RALGPS1: variants seen among roughly 807,000 people sequenced by gnomAD.
RALGPS1 encodes ras-specific guanine nucleotide-releasing factor RalGPS1.
In RALGPS1, 19 loss-of-function variants were observed where a neutral mutation model predicts 78.8. The observed-to-expected ratio is 0.24, with a 90% CI of 0.17 to 0.35. The LOEUF is 0.35. Among genes scored for constraint, RALGPS1 ranks in the 10% least tolerant of loss-of-function variants. The pLI is 1.00. For synonymous variants in RALGPS1, 228 were observed against 256.3 expected (o/e 0.89, Z 1.06); for missense variants, 454 against 688.3 (o/e 0.66, Z 3.81).
chr9:126,947,230 T>C (rs1360494489), intron 1 of RALGPS1, among the ~76,000 whole-genome samples: 1 of 152,190 alleles, frequency 6.6e-6, no homozygotes, highest in Non-Finnish European at 1.5e-5. Flanking sequence ...CCACGCTACC[T>C]GCCAGGCTCT....
chr9:127,057,849 A>G (rs1473334212), intron 7 of RALGPS1, among the ~76,000 whole-genome samples: 2 of 152,240 alleles, frequency 1.3e-5, no homozygotes, highest in African/African-American at 4.8e-5. Flanking sequence ...TGGCTGGCAC[A>G]AGAAGTGATC....
chr9:127,040,726 G>A (rs115002751), intron 5 of RALGPS1, among the ~76,000 whole-genome samples: 3,442 of 152,228 alleles, frequency 0.023, 128 homozygotes, highest in African/African-American at 0.078. Context: ...GTTGCCCAAG[G>A]AAGAAGGCAG....
intron 8 of RALGPS1, among the ~76,000 whole-genome samples, chr9:127,118,837 CCTG>C (rs1209909081): frequency 6.6e-6 from 1 of 152,208 alleles, no homozygotes; most frequent in Non-Finnish European, 1.5e-5. Context: ...GCTGAATGTA[CCTG>C]CTTTGGCAGG....
intron 4 of RALGPS1, among the ~76,000 whole-genome samples, chr9:127,001,242 G>A (rs2043281070): frequency 1.3e-5 from 2 of 150,726 alleles, no homozygotes; most frequent in South Asian, 4.2e-4. Flanking sequence ...AGCCATGATT[G>A]TGCCACTGCA....
intron 1 of RALGPS1, among the ~76,000 whole-genome samples, chr9:126,917,750 A>G (rs548004125): frequency 1.7e-4 from 26 of 152,368 alleles, no homozygotes; most frequent in South Asian, 4.1e-4. Context: ...AACAGCATGT[A>G]ACATGCAAGG....
At chr9:127,073,446 T>TTGTGTGTGTGTG (rs372544285) in intron 8 of RALGPS1, among the ~76,000 whole-genome samples, 10 of 88,638 alleles carry the variant, frequency 1.1e-4, no homozygotes, top group African/African-American at 3.6e-4. Context: ...TAGTACACCA[T>TTGTGTGTGTGTG]TGTGTGTGTG....
At chr9:126,979,239 TTATGTGTGTGTG>T (rs143784810) in intron 4 of RALGPS1, among the ~76,000 whole-genome samples, 2,830 of 92,172 alleles carry the variant, frequency 0.031, 97 homozygotes, top group African/African-American at 0.098. Flanking sequence ...TATTGTATTA[TTATGTGTGTGTG>T]TGTGTGTGTG....
Position 127,188,850 on chromosome 9 carries a change from T to A in RALGPS1, c.911-6241T>A, listed in dbSNP as rs918479233. Among the ~76,000 whole-genome samples, 208 of 67,210 alleles carry A rather than the reference T, an allele frequency of 3.1e-3. 1 individual carries two copies. Among genetic ancestry groups the A allele is most frequent in the Middle Eastern group, 0.012 (1 of 84 alleles). The allele number at this position is 67,210 out of a possible 152,430, so 44.1% of individuals were successfully genotyped here. On this transcript the variant is annotated intron_variant, in intron 11 of 18. Coordinates refer to ENST00000259351, the MANE Select transcript of RALGPS1 (RefSeq NM_014636.3). ...TCTCTACTAAAAAAAAAAAAAAAAA[T>A]GTAGCCAGGCATTGTGGCGTACGCC... is the stretch of plus-strand genomic sequence containing the variant.
chr9:127,090,466 TGGGCG>T (rs1478817913), intron 8 of RALGPS1, among the ~76,000 whole-genome samples: 1 of 152,160 alleles, frequency 6.6e-6, no homozygotes, highest in Admixed American at 6.5e-5. Context: ...TCAGTGTCAG[TGGGCG>T]GACAGAGGTG....
chr9:127,181,156 C>T (rs1252903646), intron 11 of RALGPS1, among the ~76,000 whole-genome samples: 1 of 152,270 alleles, frequency 6.6e-6, no homozygotes, highest in African/African-American at 2.4e-5. Context: ...GTAGACCCTA[C>T]CACTGAATGG....
At chr9:126,980,199 A>G (rs1031206739) in intron 4 of RALGPS1, among the ~76,000 whole-genome samples, 3 of 152,148 alleles carry the variant, frequency 2.0e-5, no homozygotes, top group African/African-American at 7.2e-5. Flanking sequence ...CCTCTTGGGG[A>G]TGCCTGCCAT....
intron 11 of RALGPS1, among the ~76,000 whole-genome samples, chr9:127,190,306 C>T (rs532635398): frequency 6.6e-6 from 1 of 152,164 alleles, no homozygotes; most frequent in Non-Finnish European, 1.5e-5. Context: ...CTCCACTTAA[C>T]ATAAGTTTTG....
chr9:127,206,622 T>A (rs1432519823), intron 14 of RALGPS1, among the ~76,000 whole-genome samples: 1 of 152,056 alleles, frequency 6.6e-6, no homozygotes, highest in Non-Finnish European at 1.5e-5. Context: ...AAGATGAGAT[T>A]TGGGTGGGGA....
At chr9:127,133,975 G>A (rs2138339527) in intron 8 of RALGPS1, among the ~76,000 whole-genome samples, 1 of 151,066 alleles carries the variant, frequency 6.6e-6, no homozygotes, top group South Asian at 2.1e-4. Flanking sequence ...ATAATGCCCA[G>A]TATCCCCTTA....
At chr9:127,138,218 G>A (rs577023072) in intron 8 of RALGPS1, among the ~76,000 whole-genome samples, 9 of 152,218 alleles carry the variant, frequency 5.9e-5, no homozygotes, top group African/African-American at 2.2e-4. Context: ...GAATCAAAAT[G>A]TTCTCGAATG....
intron 8 of RALGPS1, among the ~76,000 whole-genome samples, chr9:127,154,142 T>G (rs1564677669): frequency 6.6e-6 from 1 of 152,224 alleles, no homozygotes; most frequent in African/African-American, 2.4e-5. Flanking sequence ...AGCTGAGGGC[T>G]GAGTGCTTGG....
chr9:127,171,611 T>G (rs2059569679), intron 10 of RALGPS1, among the ~76,000 whole-genome samples: 1 of 152,052 alleles, frequency 6.6e-6, no homozygotes, highest in Non-Finnish European at 1.5e-5. Flanking sequence ...ATACAAAAAT[T>G]AGTCTGGCGT....
chr9:126,954,095 C>A (rs992978056), intron 1 of RALGPS1, among the ~76,000 whole-genome samples: 4 of 152,280 alleles, frequency 2.6e-5, no homozygotes. Flanking sequence ...TTCTTCTCAG[C>A]GATGTCTTCT....
intron 1 of RALGPS1, among the ~76,000 whole-genome samples, chr9:126,955,547 A>C (rs1054480573): frequency 6.6e-6 from 1 of 152,242 alleles, no homozygotes; most frequent in African/African-American, 2.4e-5. Flanking sequence ...TTGTTATTGA[A>C]TACAATAATA....
Sources: allele counts gnomAD v4.1 joint callset (sites outside exome capture counted in the v4.1 genomes callset), GRCh38; gene constraint gnomAD v4.1.1; transcripts MANE v1.5; gene names NCBI Gene and HGNC (gene_info 2026-07-23, HGNC 2026-07-21).